ACOT11: variants seen among roughly 807,000 people sequenced by gnomAD.
ACOT11 encodes acyl-CoA thioesterase 11.
ACOT11 carries 69 observed loss-of-function variants against 77.5 expected under a neutral mutation model. That is an observed-to-expected ratio of 0.89 (90% CI 0.73 to 1.09). The LOEUF (loss-of-function observed/expected upper bound fraction) is 1.09. ACOT11 is among the 50% of genes least tolerant of loss of function. ACOT11 has a pLI of 0.00. For synonymous variants in ACOT11, 279 were observed against 313.0 expected (o/e 0.89, Z 1.15); for missense variants, 766 against 813.7 (o/e 0.94, Z 0.71).
intron 1 of ACOT11, among the ~76,000 whole-genome samples, chr1:54,566,653 A>G (rs532864268): frequency 6.6e-6 from 1 of 152,224 alleles, no homozygotes; most frequent in South Asian, 2.1e-4. Context: ...TGTCTGCTCT[A>G]TGTGGCATTG....
intron 4 of ACOT11, among the ~76,000 whole-genome samples, chr1:54,593,458 G>GT (rs35252763): frequency 0.027 from 2,589 of 96,340 alleles, 59 homozygotes; most frequent in African/African-American, 0.062. Flanking sequence ...TGTGTGTGTG[G>GT]TTTTTTTTTT....
chr1:54,594,640 G>A lies in ACOT11; in HGVS notation c.556G>A (p.Val186Ile), dbSNP rs1654831638. The change falls in exon 6 of 16, where the codon GTC becomes ATC. Residue 186 changes from valine to isoleucine, a missense_variant. By Grantham distance (29) the Val-to-Ile change is conservative. Transcript: ENST00000343744. ...VAAERRRMRL[V>I]YADTIKDLLA... ...GGCTGAGCGCCGGCGCATGCGCCTT[G>A]TCTATGCAGACACCATCAAGGACCT... 4 of 1,614,130 alleles carry A rather than the reference G, an allele frequency of 2.5e-6. No individual in the cohort carries two copies. The highest frequency in any genetic ancestry group is 2.2e-5 in the East Asian group (1 of 44,884).
chr1:54,610,095 G>A lies in ACOT11; in HGVS notation c.*983G>A. The A allele has an allele frequency of 7.0e-7, 1 of 1,434,478 alleles. No homozygotes were observed. The highest frequency in any genetic ancestry group is 1.5e-5 in the South Asian group (1 of 66,380). The allele number at this position is 1,434,478 out of a possible 1,614,324, so 88.9% of individuals were successfully genotyped here. On this transcript the variant is annotated 3_prime_UTR_variant, in exon 16 of 16. Coordinates refer to ENST00000343744, the MANE Select transcript of ACOT11 (RefSeq NM_147161.4). The stretch of plus-strand genomic sequence containing the variant: ...CCAGTTTTGGGCTCCAGGTGGATGG[G>A]TTGCTTTATAAATGTGCCTGGTGCA...
In ACOT11 at chr1:54,548,349, A is replaced by T; in HGVS notation, c.33+7A>T. 1 of 1,600,938 alleles carries T rather than the reference A, an allele frequency of 6.2e-7. No homozygotes were observed. Among genetic ancestry groups the T allele is most frequent in the Non-Finnish European group, 8.5e-7 (1 of 1,174,228 alleles). On this transcript the variant is annotated splice_region_variant and intron_variant, in intron 1 of 15. Coordinates refer to ENST00000343744, the MANE Select transcript of ACOT11 (RefSeq NM_147161.4). ...CGGAAATCACCTGCGACGGGTATGG[A>T]GGGTGGGCTGGGGCAGCGGGAGGGC...
At chr1:54,549,950 A>G (rs1388687572) in intron 1 of ACOT11, among the ~76,000 whole-genome samples, 1 of 152,234 alleles carries the variant, frequency 6.6e-6, no homozygotes, top group Non-Finnish European at 1.5e-5. Flanking sequence ...GAAGAGGCAT[A>G]TCGTTATCAC....
chr1:54,626,299 C>CAAGAA (rs1025211285), intron 15 of ACOT11, among the ~76,000 whole-genome samples: 119 of 151,842 alleles, frequency 7.8e-4, no homozygotes, highest in African/African-American at 2.4e-3. Context: ...AGAGAAAAGA[C>CAAGAA]AAGAAAAGAA....
intron 6 of ACOT11, among the ~76,000 whole-genome samples, chr1:54,595,577 T>C (rs757324228): frequency 3.4e-4 from 52 of 152,296 alleles, no homozygotes; most frequent in Non-Finnish European, 5.1e-4. Context: ...GTATTCCCTG[T>C]ATATCTAAGC....
rs1644281377 is a variant in ACOT11, at chr1:54,628,067, T to C, written c.1630-2667T>C. 1.5e-5 allele frequency: 2 copies of C among 133,290 alleles called. 1 individual carries two copies. Among genetic ancestry groups the C allele is most frequent in the Non-Finnish European group, 3.4e-5 (2 of 58,840 alleles). 8.3% of individuals were successfully genotyped at this position (133,290 alleles called of 1,614,324 possible). On this transcript the variant is annotated intron_variant, in intron 15 of 16. Coordinates refer to the ACOT11 transcript ENST00000371316. The stretch of plus-strand genomic sequence containing the variant: ...CAGGGAGCGCCACACTCAGCTTGCA[T>C]TTGGGAGGTGGCTGGAGGCTGGAGT...
chr1:54,589,321 T>C (rs1286873759), intron 3 of ACOT11, among the ~76,000 whole-genome samples: 5 of 146,772 alleles, frequency 3.4e-5, no homozygotes, highest in Admixed American at 6.9e-5. Context: ...CTGGCCCTTT[T>C]TTTTTTTTTT....
At chr1:54,594,251 T>C (rs1369771762) in intron 5 of ACOT11, among the ~76,000 whole-genome samples, 1 of 152,144 alleles carries the variant, frequency 6.6e-6, no homozygotes, top group Non-Finnish European at 1.5e-5. Context: ...TCCCTGTGCT[T>C]CTCCAGCGAA....
chr1:54,560,468 A>G (rs1653429495), intron 1 of ACOT11, among the ~76,000 whole-genome samples: 1 of 152,144 alleles, frequency 6.6e-6, no homozygotes, highest in African/African-American at 2.4e-5. Context: ...CAGTAGTAAT[A>G]ATTTGTCCTC....
chr1:54,608,865 C>T lies in ACOT11; in HGVS notation c.1630-92C>T. 4 of 1,294,154 alleles carry T rather than the reference C, an allele frequency of 3.1e-6. No homozygotes were observed. In the South Asian group the frequency reaches 5.3e-5, roughly 17 times the overall value. 80.2% of individuals were successfully genotyped at this position (1,294,154 alleles called of 1,614,324 possible). On this transcript the variant is annotated intron_variant, in intron 15 of 15. Transcript: ENST00000343744. ...CCTCCCAGAAGGCCAGCAAGGCTGA[C>T]TCACCACCAGCCTCGTGCCCACTGG...
downstream of ACOT11, chr1:54,614,598 A>G: frequency 8.3e-7 from 1 of 1,206,526 alleles, no homozygotes; most frequent in Admixed American, 2.4e-5. Context: ...TATATATAGT[A>G]TGATTGGAGA....
Position 54,607,937 on chromosome 1 carries a change from C to G in ACOT11, c.1503-5C>G, listed in dbSNP as rs1360734146. The G allele has an allele frequency of 1.2e-6, 2 of 1,613,914 alleles. No individual in the cohort carries two copies. The highest frequency in any genetic ancestry group is 1.1e-5 in the South Asian group (1 of 91,076). On this transcript the variant is annotated splice_polypyrimidine_tract_variant and splice_region_variant and intron_variant, in intron 14 of 15. Transcript: ENST00000343744. The surrounding 1 kb of genome is among the most constrained non-coding windows in gnomAD (Gnocchi z 4.5). ...CTGTCCCCTTGCTACCCTTCCTTCA[C>G]TCAGGGACCCCTATGTCATCGCGCT...
At chr1:54,554,907 G>A (rs1269716495) in intron 1 of ACOT11, among the ~76,000 whole-genome samples, 2 of 152,110 alleles carry the variant, frequency 1.3e-5, no homozygotes, top group Non-Finnish European at 2.9e-5. Flanking sequence ...AGTGTCAAAA[G>A]GTTGCCTTTT....
At position 54,597,259 on chromosome 1, in the gene ACOT11, A is replaced by T. The variant is rs201670845; in HGVS notation, c.608A>T (p.Asp203Val). ...CCTCCCTTATCCCATCCCTGGTCAG[A>T]TCTGGAGAGCAGAGACTGTAGCCGC... is the stretch of plus-strand genomic sequence containing the variant. The part of the protein sequence containing the change: ...DLLANCAIQG[D>V]LESRDCSRMV... The change falls in exon 7 of 16, where the codon GAT (aspartate) becomes GTT (valine). Residue 203 changes from aspartate (D) to valine (V), a missense_variant and splice_region_variant. By Grantham distance (152) the Asp-to-Val change is radical (BLOSUM62 -3). Coordinates refer to ENST00000343744, the MANE Select transcript of ACOT11 (RefSeq NM_147161.4). The T allele has an allele frequency of 3.0e-5, 48 of 1,611,472 alleles. No homozygotes were observed. Among genetic ancestry groups the T allele is most frequent in the Non-Finnish European group, 3.7e-5 (44 of 1,180,000 alleles).
chr1:54,619,976 G>C (rs745440340), intron 15 of ACOT11: 6 of 1,613,950 alleles, frequency 3.7e-6, no homozygotes, highest in Non-Finnish European at 5.1e-6. Context: ...CCAGCATGTC[G>C]GCATCAGGGC....
At chr1:54,581,271 A>T (rs1409272891) in intron 1 of ACOT11, among the ~76,000 whole-genome samples, 2 of 152,144 alleles carry the variant, frequency 1.3e-5, no homozygotes, top group African/African-American at 2.4e-5. Flanking sequence ...TGGGACTTGG[A>T]TACTGGGCAG....
Position 54,603,956 on chromosome 1 carries a change from A to G in ACOT11, c.1152+19A>G. 6.2e-7 allele frequency: 1 copy of G among 1,613,020 alleles called. No individual in the cohort carries two copies. Among genetic ancestry groups the G allele is most frequent in the Non-Finnish European group, 8.5e-7 (1 of 1,179,134 alleles). ...CAACCAGGTAAGGCTCTCTGCTCCGAGAGGACAGTCTTCAGACCCACCGGG... is the reference window on the plus strand; with the variant it reads ...CAACCAGGTAAGGCTCTCTGCTCCGGGAGGACAGTCTTCAGACCCACCGGG... On this transcript the variant is annotated intron_variant, in intron 11 of 15. Transcript: ENST00000343744.
Sources: allele counts gnomAD v4.1 joint callset (sites outside exome capture counted in the v4.1 genomes callset), GRCh38; gene constraint gnomAD v4.1.1; non-coding constraint Gnocchi (gnomAD v3.1); transcripts MANE v1.5; gene names NCBI Gene and HGNC (gene_info 2026-07-23, HGNC 2026-07-21).